The following ARAP2 variants were observed in gnomAD, a reference collection of about 807,000 sequenced individuals.
ARAP2 encodes ArfGAP with RhoGAP domain, ankyrin repeat and PH domain 2, also known as arf-GAP with Rho-GAP domain, ANK repeat and PH domain-containing protein 2.
In ARAP2, 148 loss-of-function variants were observed where a neutral mutation model predicts 194.5. That is an observed-to-expected ratio of 0.76 (90% CI 0.67 to 0.87). ARAP2 has a LOEUF of 0.87. Among genes scored for constraint, ARAP2 ranks in the 40% least tolerant of loss-of-function variants. ARAP2 has a pLI of 0.00. For synonymous variants in ARAP2, 695 were observed against 683.5 expected, an observed-to-expected ratio of 1.02 and a Z score of -0.26; for missense variants, 2,128 against 1,989.7, an observed-to-expected ratio of 1.07 and a Z score of -1.32.
intron 2 of ARAP2, among the ~76,000 whole-genome samples, chr4:36,052,761 C>G (rs959467440): frequency 2.0e-5 from 3 of 152,042 alleles, no homozygotes; most frequent in South Asian, 2.1e-4. Context: ...TCAGGAGATC[C>G]AGACCATCGT....
intron 31 of ARAP2, among the ~76,000 whole-genome samples, chr4:36,077,745 T>C (rs1420200665): frequency 6.6e-6 from 1 of 152,152 alleles, no homozygotes; most frequent in Non-Finnish European, 1.5e-5. Flanking sequence ...ATTATATCCT[T>C]CCCTTGTTTC....
chr4:36,148,305 C>G (rs1730130816), intron 17 of ARAP2, 100 bp downstream of exon 17: 1 of 805,502 alleles, frequency 1.2e-6, no homozygotes, highest in Non-Finnish European at 1.9e-6. Flanking sequence ...TTTATTCCTA[C>G]AATCTTATAT....
Position 36,030,797 on chromosome 4 carries a change from G to GTTTTTTTTTTT in ARAP2, n.608-11522_608-11512dup, listed in dbSNP as rs34777330. ...TCAACTCTTGTTTGACATTGTCTACGTTTTTTTTTTTTTTTTTTTTGGTAC... is the reference window on the plus strand; with the variant it reads ...TCAACTCTTGTTTGACATTGTCTACGTTTTTTTTTTTTTTTTTTTTTTTTTTTTTTTGGTAC... On this transcript the variant is annotated intron_variant and non_coding_transcript_variant, in intron 5 of 12. Transcript: ENST00000503225. 1.2e-4 allele frequency among the ~76,000 whole-genome samples: 2 copies of GTTTTTTTTTTT among 16,082 alleles called. 1 individual carries two copies. 10.6% of individuals were successfully genotyped at this position (16,082 alleles called of 152,430 possible).
At chr4:36,174,030 T>C (rs1026599096) in intron 9 of ARAP2, among the ~76,000 whole-genome samples, 4 of 152,182 alleles carry the variant, frequency 2.6e-5, no homozygotes, top group African/African-American at 9.7e-5. Context: ...ATTTATTTAT[T>C]TGACATTATG....
rs111966166 is a variant in ARAP2 at position 36,182,626 on chromosome 4, C to G, written c.1679-4621G>C. ...GACAAGTACAGGAAAAATGTGATGA[C>G]AGCTGATCTCATGAGATGATTAAAA... On this transcript the variant is annotated intron_variant, in intron 8 of 32. Transcript: ENST00000303965. 5.2e-3 allele frequency among the ~76,000 whole-genome samples: 787 copies of G among 152,238 alleles called. 12 individuals are homozygous for G. The highest frequency in any genetic ancestry group is 0.018 in the African/African-American group (761 of 41,524).
At chr4:36,186,733 C>T (rs1740652467) in intron 8 of ARAP2, among the ~76,000 whole-genome samples, 1 of 152,246 alleles carries the variant, frequency 6.6e-6, no homozygotes, top group South Asian at 2.1e-4. Flanking sequence ...AGCACAAACT[C>T]TACTGTAAAA....
At position 36,229,007 on chromosome 4, in the gene ARAP2, G is replaced by T. The variant is rs762868346; in HGVS notation, c.480C>A (p.His160Gln). 6.2e-7 allele frequency: 1 copy of T among 1,614,088 alleles called. No homozygotes were observed. Among genetic ancestry groups the T allele is most frequent in the Non-Finnish European group, 8.5e-7 (1 of 1,180,004 alleles). Residue 160 changes from histidine (H) to glutamine (Q), a missense_variant, in exon 2 of 33, where the codon CAC becomes CAA. By Grantham distance (24) the His-to-Gln change is conservative. Coordinates refer to ENST00000303965, the MANE Select transcript of ARAP2 (RefSeq NM_015230.4). ...KRDFPTAEEP[H>Q]LNLGSLNDSL... ...AATCATTCAAAGAACCCAAATTCAG[G>T]TGTGGTTCCTCTGCAGTGGGGAAGT...
At chr4:36,206,055 T>C (rs1250472924) in intron 6 of ARAP2, among the ~76,000 whole-genome samples, 1 of 152,192 alleles carries the variant, frequency 6.6e-6, no homozygotes, top group Non-Finnish European at 1.5e-5. Context: ...TTGCCAACTT[T>C]CTGCAACACC....
At chr4:36,237,126 T>C (rs952783000) in intron 1 of ARAP2, among the ~76,000 whole-genome samples, 1 of 152,268 alleles carries the variant, frequency 6.6e-6, no homozygotes, top group African/African-American at 2.4e-5. Context: ...AATATAGAAT[T>C]TAGTTTATCA....
At chr4:36,235,404 A>G (rs1315609077) in intron 1 of ARAP2, among the ~76,000 whole-genome samples, 2 of 151,796 alleles carry the variant, frequency 1.3e-5, no homozygotes, top group East Asian at 1.9e-4. Context: ...TCTCTTTACA[A>G]CCTTCTTCTC....
intron 5 of ARAP2, among the ~76,000 whole-genome samples, chr4:36,025,642 T>C (rs377008479): frequency 9.9e-5 from 15 of 151,546 alleles, no homozygotes; most frequent in East Asian, 9.7e-4. Context: ...TTTGTAAATA[T>C]AATTATGGAA....
At chr4:36,010,562 T>A (rs1714300855) in intron 9 of ARAP2, among the ~76,000 whole-genome samples, 1 of 152,158 alleles carries the variant, frequency 6.6e-6, no homozygotes, top group Non-Finnish European at 1.5e-5. Flanking sequence ...AGGCACTGGA[T>A]ACATTTGTGC....
At position 36,229,224 on chromosome 4, in the gene ARAP2, T is replaced by C. The variant is rs1750966375; in HGVS notation, c.263A>G (p.Asp88Gly). The change falls in exon 2 of 33, where the codon GAC becomes GGC. Residue 88 changes from aspartate (D) to glycine (G), a missense_variant. Coordinates refer to ENST00000303965, the MANE Select transcript of ARAP2 (RefSeq NM_015230.4). ...TGGAACATGGTAATCCTTTGAAGGG[T>C]CATCATTCTTCTTAGTTTTATGAAC... is the stretch of plus-strand genomic sequence containing the variant. ...ANVHKTKKND[D>G]PSKDYHVPSS... The C allele has an allele frequency of 6.2e-7, 1 of 1,613,944 alleles. No homozygotes were observed. The highest frequency in any genetic ancestry group is 8.5e-7 in the Non-Finnish European group (1 of 1,179,950).
intron 19 of ARAP2, among the ~76,000 whole-genome samples, chr4:36,144,037 A>G (rs951019710): frequency 6.6e-5 from 10 of 151,812 alleles, no homozygotes; most frequent in African/African-American, 1.7e-4. Flanking sequence ...TATCTTCCAT[A>G]TATGAGGGGC....
At chr4:36,006,139 C>T (rs1713230133) in intron 10 of ARAP2, 1 of 152,154 alleles carries the variant, frequency 6.6e-6, no homozygotes, top group African/African-American at 2.4e-5. Flanking sequence ...TTAGGGGATC[C>T]AAGGACCACA....
At chr4:36,116,960 A>T (rs552795412) in intron 25 of ARAP2, 101 bp downstream of exon 25, 2 of 642,260 alleles carry the variant, frequency 3.1e-6, no homozygotes, top group Non-Finnish European at 4.7e-6. Context: ...TGAACTGGAG[A>T]GGTAATATAA....
chr4:36,089,103 A>G lies in ARAP2; in HGVS notation c.4425+2778T>C, dbSNP rs547800954. 2.0e-5 allele frequency among the ~76,000 whole-genome samples: 3 copies of G among 152,140 alleles called. No homozygotes were observed. In the East Asian group the frequency reaches 5.8e-4, roughly 29 times the overall value. ...AACATTTCTATCTAGAAAGTACCCCACTGACCCTTTTCCTTGGCAATTCTG... is the reference window on the plus strand; with the variant it reads ...AACATTTCTATCTAGAAAGTACCCCGCTGACCCTTTTCCTTGGCAATTCTG... On this transcript the variant is annotated intron_variant, in intron 28 of 32. Coordinates refer to ENST00000303965, the MANE Select transcript of ARAP2 (RefSeq NM_015230.4).
chr4:36,060,014 T>C (rs1724155799), intron 1 of ARAP2, among the ~76,000 whole-genome samples: 1 of 152,022 alleles, frequency 6.6e-6, no homozygotes, highest in Non-Finnish European at 1.5e-5. Context: ...AGCAGACAAA[T>C]GAGGCAATAG....
chr4:36,007,982 A>G (rs1443755394), intron 9 of ARAP2, among the ~76,000 whole-genome samples: 2 of 152,110 alleles, frequency 1.3e-5, no homozygotes, highest in Non-Finnish European at 2.9e-5. Flanking sequence ...AATACAGATA[A>G]CCAAAGAGGT....
Sources: allele counts gnomAD v4.1 joint callset (sites outside exome capture counted in the v4.1 genomes callset), GRCh38; gene constraint gnomAD v4.1.1; transcripts MANE v1.5; gene names NCBI Gene and HGNC (gene_info 2026-07-23, HGNC 2026-07-21).